SLC2A14: variants seen among roughly 807,000 people sequenced by gnomAD.
SLC2A14 encodes the protein solute carrier family 2, facilitated glucose transporter member 14.
A neutral mutation model predicts 43.0 loss-of-function variants in SLC2A14; 13 were observed. The ratio of observed to expected loss-of-function variants is 0.30; its 90% CI spans 0.20 to 0.48. SLC2A14 has a LOEUF of 0.48. SLC2A14 is among the 20% of genes least tolerant of loss of function. The pLI is 0.99. For synonymous variants in SLC2A14, 190 were observed against 233.8 expected, an observed-to-expected ratio of 0.81 and a Z score of 1.71; for missense variants, 428 against 620.4, an observed-to-expected ratio of 0.69 and a Z score of 3.29.
chr12:7,838,797 C>T (rs1283857250), intron 2 of SLC2A14, among the ~76,000 whole-genome samples: 1 of 152,170 alleles, frequency 6.6e-6, no homozygotes, highest in East Asian at 1.9e-4. Flanking sequence ...TATGTTGAAG[C>T]CCTAACCCCT....
chr12:7,829,508 T>C (rs1864811681), intron 5 of SLC2A14, among the ~76,000 whole-genome samples: 1 of 150,170 alleles, frequency 6.7e-6, no homozygotes, highest in Non-Finnish European at 1.5e-5. Flanking sequence ...TGGGCCGAGA[T>C]CATTCCACTG....
At chr12:7,877,085 C>T (rs1001915735), upstream of SLC2A14, among the ~76,000 whole-genome samples, 1 of 151,304 alleles carries the variant, frequency 6.6e-6, no homozygotes, top group Non-Finnish European at 1.5e-5. Flanking sequence ...CTCACTGCAA[C>T]CTCTGCCTCC....
upstream of SLC2A14, among the ~76,000 whole-genome samples, chr12:7,874,799 A>AATATATAAATACGTATTTATATATAAATT (rs1284374058): frequency 2.7e-4 from 27 of 100,302 alleles, no homozygotes; most frequent in African/African-American, 1.2e-3. Flanking sequence ...ATATATAAAT[A>AATATATAAATACGTATTTATATATAAATT]ATATATAAAT....
At chr12:7,814,945 G>A (rs970348548) in intron 10 of SLC2A14, among the ~76,000 whole-genome samples, 1 of 151,772 alleles carries the variant, frequency 6.6e-6, no homozygotes, top group Non-Finnish European at 1.5e-5. Context: ...GACTACAGGT[G>A]CCCACCAGCA....
At chr12:7,835,370 G>A (rs1333230618) in intron 2 of SLC2A14, among the ~76,000 whole-genome samples, 1 of 152,164 alleles carries the variant, frequency 6.6e-6, no homozygotes, top group African/African-American at 2.4e-5. Context: ...CTGGGTGCCA[G>A]CGAGACTGTC....
upstream of SLC2A14, among the ~76,000 whole-genome samples, chr12:7,875,118 T>TA: frequency 1.5e-5 from 2 of 130,298 alleles, no homozygotes; most frequent in African/African-American, 5.9e-5. Flanking sequence ...ATATTATATT[T>TA]AAATAGTTAA....
intron 10 of SLC2A14, among the ~76,000 whole-genome samples, chr12:7,815,256 C>G (rs1351166502): frequency 7.0e-6 from 1 of 143,540 alleles, no homozygotes; most frequent in Non-Finnish European, 1.5e-5. Context: ...ACTAAAAATA[C>G]AAAAAAAAAA....
At chr12:7,857,950 C>T (rs1270069385) in intron 2 of SLC2A14, among the ~76,000 whole-genome samples, 1 of 152,016 alleles carries the variant, frequency 6.6e-6, no homozygotes, top group African/African-American at 2.4e-5. Flanking sequence ...ATGGTGAAAC[C>T]CCGTCTTTAC....
At chr12:7,847,740 T>C (rs7965203) in intron 2 of SLC2A14, among the ~76,000 whole-genome samples, 1 of 151,818 alleles carries the variant, frequency 6.6e-6, no homozygotes, top group South Asian at 2.1e-4. Flanking sequence ...TATGGGGATG[T>C]CATCATCATA....
At chr12:7,837,478 A>G (rs902835958) in intron 2 of SLC2A14, among the ~76,000 whole-genome samples, 1 of 151,910 alleles carries the variant, frequency 6.6e-6, no homozygotes. Flanking sequence ...CATCTCTACT[A>G]AAAATACAAA....
chr12:7,820,533 A>G (rs942856643), intron 8 of SLC2A14, among the ~76,000 whole-genome samples: 4 of 152,156 alleles, frequency 2.6e-5, no homozygotes, highest in African/African-American at 9.7e-5. Context: ...AGTGTCCACT[A>G]CGGAACTGAT....
intron 2 of SLC2A14, among the ~76,000 whole-genome samples, chr12:7,852,461 T>G (rs934932558): frequency 5.9e-5 from 9 of 152,156 alleles, no homozygotes; most frequent in Admixed American, 5.9e-4. Flanking sequence ...AGTGATTAGT[T>G]GGAAGTAGAA....
intron 2 of SLC2A14, among the ~76,000 whole-genome samples, chr12:7,861,233 A>T (rs1169331095): frequency 6.6e-6 from 1 of 152,134 alleles, no homozygotes; most frequent in African/African-American, 2.4e-5. Flanking sequence ...GAGAGTTTGG[A>T]GCAATAGTCT....
At chr12:7,878,126 C>T (rs775981364), upstream of SLC2A14, among the ~76,000 whole-genome samples, 3 of 152,082 alleles carry the variant, frequency 2.0e-5, no homozygotes, top group African/African-American at 4.8e-5. Context: ...TCTTGGCTCA[C>T]GGCAACCTCT....
At chr12:7,870,729 T>G (rs1428648814) in intron 1 of SLC2A14, 1 of 471,570 alleles carries the variant, frequency 2.1e-6, no homozygotes, top group Middle Eastern at 1.0e-3. Flanking sequence ...ACAAATAAAG[T>G]CAAACCAAAA....
At chr12:7,873,490 A>C, upstream of SLC2A14, 1 of 350,610 alleles carries the variant, frequency 2.9e-6, no homozygotes, top group Non-Finnish European at 4.0e-6. Flanking sequence ...AAAAATAACA[A>C]AATTAGGGGG....
intron 1 of SLC2A14, among the ~76,000 whole-genome samples, chr12:7,870,316 A>T (rs1199309674): frequency 1.3e-5 from 2 of 152,170 alleles, no homozygotes; most frequent in Non-Finnish European, 2.9e-5. Context: ...TCTGTGATTT[A>T]ATGTGGTTTA....
chr12:7,873,189 T>G, upstream of SLC2A14: 9 of 985,560 alleles, frequency 9.1e-6, no homozygotes, highest in Non-Finnish European at 1.1e-5. Context: ...GAAACAGTTT[T>G]GGGACCCACC....
Position 7,829,883 on chromosome 12 carries a change from G to A in SLC2A14, c.396C>T (p.Cys132=), listed in dbSNP as rs781380746. The change falls in exon 5 of 11, where the codon TGC becomes TGT. Residue 132 remains cysteine (C), a synonymous_variant. Transcript: ENST00000431042. ...ILGRLVIGLF[C]GLCTGFVPMY... is the part of the protein sequence containing the mutation. ...TGGGCACAAAACCTGTGCAGAGTCC[G>A]CAGAAGAGGCCAATAACCAAGCGGC... The A allele has an allele frequency of 1.2e-5, 19 of 1,614,162 alleles. No homozygotes were observed. In the African/African-American group the frequency reaches 1.3e-4, roughly 11 times the overall value.
Sources: allele counts gnomAD v4.1 joint callset (sites outside exome capture counted in the v4.1 genomes callset), GRCh38; gene constraint gnomAD v4.1.1; transcripts MANE v1.5; gene names NCBI Gene and HGNC (gene_info 2026-07-23, HGNC 2026-07-21).